The following TMEM192 variants were observed in gnomAD, a reference collection of about 807,000 sequenced individuals.
The protein encoded by TMEM192 is transmembrane protein 192.
A neutral mutation model predicts 26.7 loss-of-function variants in TMEM192; 20 were observed. The ratio of observed to expected loss-of-function variants is 0.75; its 90% CI spans 0.53 to 1.09. The LOEUF (loss-of-function observed/expected upper bound fraction) is 1.09, where lower values mean the gene tolerates loss of function less well. TMEM192 is among the 50% of genes least tolerant of loss of function. The probability of loss-of-function intolerance (pLI) is 0.00; values close to 1 mark genes in which losing one functional copy is unlikely to be tolerated. For missense variants in TMEM192, 304 were observed against 322.6 expected, an observed-to-expected ratio of 0.94 and a Z score of 0.44; for synonymous variants, 124 against 121.0, an observed-to-expected ratio of 1.02 and a Z score of -0.16.
intron 3 of TMEM192, among the ~76,000 whole-genome samples, chr4:165,095,999 G>T (rs1307899692): frequency 6.9e-6 from 1 of 143,910 alleles, no homozygotes; most frequent in Non-Finnish European, 1.5e-5. Flanking sequence ...GTTTCACCAT[G>T]TTGGCCAGGC....
chr4:165,094,857 C>T (rs924193617), intron 3 of TMEM192, among the ~76,000 whole-genome samples: 5 of 151,820 alleles, frequency 3.3e-5, no homozygotes, highest in African/African-American at 4.8e-5. Context: ...ACCTGTAATC[C>T]CAGCTACTCA....
intron 1 of TMEM192, among the ~76,000 whole-genome samples, chr4:165,104,703 G>T (rs6837623): frequency 0.67 from 101,981 of 151,802 alleles, 36,056 homozygotes; most frequent in Non-Finnish European, 0.78. Flanking sequence ...GCTAATTTTT[G>T]TATTTTTAGT....
In TMEM192 at chr4:165,088,610, G is replaced by A; in HGVS notation, c.440-8C>T. On this transcript the variant is annotated splice_region_variant and splice_polypyrimidine_tract_variant and intron_variant, in intron 3 of 5. Transcript: ENST00000306480. ...GGAGAAGCACTGTGTTGCCTGAGGA[G>A]GAGAAACATAAAACACAGCATGTGA... 1 of 1,606,166 alleles carries A rather than the reference G, an allele frequency of 6.2e-7. No individual in the cohort carries two copies. The highest frequency in any genetic ancestry group is 8.5e-7 in the Non-Finnish European group (1 of 1,176,392).
At chr4:165,097,493 C>CAA (rs60822491) in intron 3 of TMEM192, among the ~76,000 whole-genome samples, 22,441 of 58,548 alleles carry the variant, frequency 0.38, 3,631 homozygotes, top group African/African-American at 0.55. Context: ...GACTCCATCT[C>CAA]AAAAAAAAAA....
At chr4:165,087,360 G>A (rs1197166840) in intron 4 of TMEM192, among the ~76,000 whole-genome samples, 1 of 152,138 alleles carries the variant, frequency 6.6e-6, no homozygotes, top group Non-Finnish European at 1.5e-5. Context: ...AGGGACCAAA[G>A]AAAAGAGACA....
In TMEM192 at chr4:165,103,003, G is replaced by T. The variant is rs758514208; in HGVS notation, c.121C>A (p.Arg41=). Residue 41 remains arginine (R), a synonymous_variant, in exon 2 of 6, where the codon CGA becomes AGA. Transcript: ENST00000306480. ...ATGACTGTAGGAAGAGGATGGAATCGGGGTCTAAAGTGAGCTTGTAATGAG... is the reference window on the plus strand; with the variant it reads ...ATGACTGTAGGAAGAGGATGGAATCTGGGTCTAAAGTGAGCTTGTAATGAG... The part of the protein sequence containing the change: ...HHSLQAHFRP[R]FHPLPTVIIV... The T allele has an allele frequency of 6.2e-7, 1 of 1,613,164 alleles. No homozygotes were observed. The highest frequency in any genetic ancestry group is 2.2e-5 in the East Asian group (1 of 44,866).
intron 1 of TMEM192, among the ~76,000 whole-genome samples, chr4:165,112,077 T>C (rs762726157): frequency 2.0e-5 from 3 of 152,242 alleles, no homozygotes; most frequent in Non-Finnish European, 4.4e-5. Flanking sequence ...CACTGGTTTT[T>C]TGTTTTTTTG....
At chr4:165,099,740 C>G (rs1418295373) in intron 3 of TMEM192, among the ~76,000 whole-genome samples, 1 of 152,020 alleles carries the variant, frequency 6.6e-6, no homozygotes, top group Non-Finnish European at 1.5e-5. Flanking sequence ...GCCAGGAGTT[C>G]CAGTGACCAA....
intron 3 of TMEM192, among the ~76,000 whole-genome samples, chr4:165,090,982 G>C (rs1416715334): frequency 6.7e-6 from 1 of 149,002 alleles, no homozygotes; most frequent in Non-Finnish European, 1.5e-5. Context: ...GGGAAGCATA[G>C]TGGCCAGGCA....
chr4:165,088,020 C>T (rs921149026), intron 4 of TMEM192, among the ~76,000 whole-genome samples: 1 of 152,048 alleles, frequency 6.6e-6, no homozygotes, highest in Admixed American at 6.6e-5. Context: ...AGTGATCCTC[C>T]CACGTCAGCC....
chr4:165,087,118 A>G (rs1734637492), intron 4 of TMEM192, among the ~76,000 whole-genome samples: 1 of 152,178 alleles, frequency 6.6e-6, no homozygotes, highest in Admixed American at 6.5e-5. Context: ...CCAACTCAAA[A>G]AAAAAATAAA....
chr4:165,097,016 C>T (rs1212637804), intron 3 of TMEM192, among the ~76,000 whole-genome samples: 1 of 151,810 alleles, frequency 6.6e-6, no homozygotes, highest in African/African-American at 2.4e-5. Context: ...GAGAGAGCTG[C>T]ACATCAACAG....
intron 3 of TMEM192, among the ~76,000 whole-genome samples, chr4:165,094,793 G>A (rs1049587073): frequency 3.9e-5 from 6 of 151,902 alleles, no homozygotes; most frequent in African/African-American, 9.7e-5. Flanking sequence ...TGACCAACAC[G>A]GTGAAACCCT....
At chr4:165,098,417 G>A (rs1248935872) in intron 3 of TMEM192, among the ~76,000 whole-genome samples, 7 of 151,728 alleles carry the variant, frequency 4.6e-5, no homozygotes, top group South Asian at 2.1e-4. Context: ...GAGCCACCAC[G>A]CCCAGGAATT....
chr4:165,091,667 T>C (rs1246557406), intron 3 of TMEM192, among the ~76,000 whole-genome samples: 1 of 148,108 alleles, frequency 6.8e-6, no homozygotes, highest in African/African-American at 2.5e-5. Flanking sequence ...CTCCTAAATT[T>C]TGGGGAAAAT....
At position 165,088,545 on chromosome 4, in the gene TMEM192, C is replaced by T; in HGVS notation, c.497G>A (p.Arg166Lys). 6.2e-7 allele frequency: 1 copy of T among 1,613,518 alleles called. No individual in the cohort carries two copies. Among genetic ancestry groups the T allele is most frequent in the Non-Finnish European group, 8.5e-7 (1 of 1,179,756 alleles). The change falls in exon 4 of 6, where the codon AGA (arginine) becomes AAA (lysine). Residue 166 changes from arginine (R) to lysine (K), a missense_variant. Physicochemically the swap from Arg to Lys is conservative, Grantham distance 26. Coordinates refer to ENST00000306480, the MANE Select transcript of TMEM192 (RefSeq NM_001100389.2). The stretch of plus-strand genomic sequence containing the variant: ...GGCCAGAATGAGGTCAAGATACAAT[C>T]TGCCAGGCTCTGGGAAGGAGTGCTG... Reference protein sequence around the residue: ...CMQHSFPEPGRLYLDLILAIL... With the variant: ...CMQHSFPEPGKLYLDLILAIL...
chr4:165,111,174 A>G (rs1437039904), intron 1 of TMEM192, among the ~76,000 whole-genome samples: 1 of 152,156 alleles, frequency 6.6e-6, no homozygotes, highest in Non-Finnish European at 1.5e-5. Flanking sequence ...ATCTTGGCTC[A>G]CTGCAACCTC....
At chr4:165,084,920 T>C (rs1223370525) in intron 5 of TMEM192, among the ~76,000 whole-genome samples, 4 of 151,802 alleles carry the variant, frequency 2.6e-5, no homozygotes, top group East Asian at 1.9e-4. Context: ...AATGGGAGGA[T>C]TGCTTGAGCC....
chr4:165,098,917 G>A (rs1342063498), intron 3 of TMEM192, among the ~76,000 whole-genome samples: 1 of 151,724 alleles, frequency 6.6e-6, no homozygotes, highest in East Asian at 2.0e-4. Context: ...GGCCAGGCTG[G>A]TCTCGAACTC....
Sources: gnomAD v4.1 joint callset for allele counts (sites outside exome capture counted in the v4.1 genomes callset) on GRCh38, gnomAD v4.1.1 for gene constraint, MANE v1.5 for transcripts, NCBI Gene and HGNC (gene_info 2026-07-23, HGNC 2026-07-21) for gene names.